POMP: variants seen among roughly 807,000 people sequenced by gnomAD.
POMP encodes proteasome maturation protein.
POMP carries 12 observed loss-of-function variants against 20.6 expected under a neutral mutation model. That is an observed-to-expected ratio of 0.58 (90% CI 0.37 to 0.94). The LOEUF (loss-of-function observed/expected upper bound fraction) is 0.94, where lower values mean the gene tolerates loss of function less well. Among genes scored for constraint, POMP ranks in the 40% least tolerant of loss-of-function variants. POMP has a pLI of 0.01. For synonymous variants in POMP, 53 were observed against 55.0 expected (o/e 0.96, Z 0.16); for missense variants, 136 against 161.1 (o/e 0.84, Z 0.84).
intron 4 of POMP, among the ~76,000 whole-genome samples, chr13:28,669,942 CA>C (rs200357839): frequency 6.6e-6 from 1 of 150,574 alleles, no homozygotes; most frequent in Non-Finnish European, 1.5e-5. Flanking sequence ...CCCATCTCTA[CA>C]AAAAAAAATA....
intron 3 of POMP, among the ~76,000 whole-genome samples, chr13:28,665,423 TAAAA>T (rs1033388185): frequency 6.6e-6 from 1 of 151,956 alleles, no homozygotes; most frequent in Non-Finnish European, 1.5e-5. Context: ...ATGAGAAAAA[TAAAA>T]AAATTCCTCA....
At chr13:28,663,387 C>T (rs1434616590) in intron 2 of POMP, among the ~76,000 whole-genome samples, 6 of 152,130 alleles carry the variant, frequency 3.9e-5, no homozygotes, top group African/African-American at 1.4e-4. Context: ...CTCCCCTCAT[C>T]GCAGCCTCCG....
At chr13:28,669,508 A>G (rs1287118681) in intron 4 of POMP, among the ~76,000 whole-genome samples, 1 of 152,064 alleles carries the variant, frequency 6.6e-6, no homozygotes, top group African/African-American at 2.4e-5. Flanking sequence ...CCTGAGTAGC[A>G]GGGACTACAG....
intron 4 of POMP, among the ~76,000 whole-genome samples, chr13:28,669,122 G>C (rs1158309382): frequency 6.6e-6 from 1 of 152,030 alleles, no homozygotes; most frequent in Non-Finnish European, 1.5e-5. Context: ...AAAAAAAATT[G>C]TATCAATTTC....
chr13:28,671,448 T>C (rs921794908), intron 4 of POMP, among the ~76,000 whole-genome samples: 4 of 123,446 alleles, frequency 3.2e-5, no homozygotes, highest in Admixed American at 3.1e-4. Context: ...GAATTCTCTG[T>C]CTTTTTTTTT....
intron 2 of POMP, among the ~76,000 whole-genome samples, chr13:28,663,784 G>C (rs1391463830): frequency 2.0e-5 from 3 of 152,032 alleles, no homozygotes; most frequent in Admixed American, 2.0e-4. Context: ...AGTAACTAAG[G>C]TCTGAAGATT....
chr13:28,665,780 A>G (rs1337656614), intron 3 of POMP, among the ~76,000 whole-genome samples: 1 of 152,224 alleles, frequency 6.6e-6, no homozygotes, highest in Non-Finnish European at 1.5e-5. Flanking sequence ...GGGTCAGTCA[A>G]GGGATCAAAT....
At chr13:28,673,869 C>T (rs1408934899) in intron 5 of POMP, among the ~76,000 whole-genome samples, 1 of 152,160 alleles carries the variant, frequency 6.6e-6, no homozygotes, top group African/African-American at 2.4e-5. Flanking sequence ...TCTGAATATA[C>T]AGCTGTGAAC....
intron 3 of POMP, among the ~76,000 whole-genome samples, chr13:28,665,912 A>G (rs1312901079): frequency 1.3e-5 from 2 of 152,218 alleles, no homozygotes; most frequent in Non-Finnish European, 2.9e-5. Context: ...GGAATAGTCA[A>G]TTTGGAGGGA....
intron 1 of POMP, among the ~76,000 whole-genome samples, chr13:28,659,596 C>T (rs1884298480): frequency 6.6e-6 from 1 of 152,148 alleles, no homozygotes; most frequent in East Asian, 1.9e-4. Flanking sequence ...GACTCCTCAT[C>T]TCCCCCAGCC....
chr13:28,668,718 T>C, intron 4 of POMP, 144 bp downstream of exon 4: 1 of 683,708 alleles, frequency 1.5e-6, no homozygotes, highest in African/African-American at 1.8e-5. Context: ...TGATTTCTAC[T>C]TCATAGAGGG....
In POMP at chr13:28,668,573, A is replaced by C. The variant is rs768676539; in HGVS notation, c.263A>C (p.Gln88Pro). 3 of 1,592,340 alleles carry C rather than the reference A, an allele frequency of 1.9e-6. No individual in the cohort carries two copies. In the East Asian group the frequency reaches 6.7e-5, roughly 36 times the overall value. Residue 88 changes from glutamine (Q) to proline (P), a missense_variant and splice_region_variant, in exon 4 of 6, where the codon CAG (glutamine) becomes CCG (proline). Coordinates refer to ENST00000380842, the MANE Select transcript of POMP (RefSeq NM_015932.6). ...KLQMEFKAVQ[Q>P]VQRLPFLSSS... The stretch of plus-strand genomic sequence containing the variant: ...CAGATGGAATTCAAGGCAGTGCAGC[A>C]GGTGAGTTGATGGATCTCTGTTGCA...
intron 5 of POMP, among the ~76,000 whole-genome samples, chr13:28,677,641 GA>G (rs1224581475): frequency 2.6e-5 from 4 of 152,180 alleles, no homozygotes; most frequent in African/African-American, 9.7e-5. Flanking sequence ...TGTGAATTAA[GA>G]GATTGTTTCC....
intron 5 of POMP, among the ~76,000 whole-genome samples, chr13:28,673,299 G>C (rs181570162): frequency 2.3e-4 from 35 of 152,252 alleles, no homozygotes; most frequent in African/African-American, 7.7e-4. Context: ...TCGAACTCCT[G>C]ACCTTGTGAT....
chr13:28,659,170 G>C lies in POMP; in HGVS notation c.-15G>C. On this transcript the variant is annotated 5_prime_UTR_variant, in exon 1 of 6. Transcript: ENST00000380842. Reference sequence around the variant, plus strand: ...CGGTAACGGGGCAGAGAGGCTGTTCGCAGAGCTGCGGAAGATGGTGAGTGG... The same window carrying C: ...CGGTAACGGGGCAGAGAGGCTGTTCCCAGAGCTGCGGAAGATGGTGAGTGG... The C allele has an allele frequency of 4.4e-6, 7 of 1,585,866 alleles. No individual in the cohort carries two copies. The highest frequency in any genetic ancestry group is 6.0e-6 in the Non-Finnish European group (7 of 1,167,122).
chr13:28,672,912 G>T (rs1356966501), intron 5 of POMP, among the ~76,000 whole-genome samples: 1 of 152,096 alleles, frequency 6.6e-6, no homozygotes, highest in African/African-American at 2.4e-5. Flanking sequence ...CACATTGTTG[G>T]GATGTGACTG....
chr13:28,659,644 A>G (rs977415683), intron 1 of POMP, among the ~76,000 whole-genome samples: 8 of 151,926 alleles, frequency 5.3e-5, no homozygotes, highest in Admixed American at 2.0e-4. Context: ...GCCCACAACT[A>G]TAGGTCGCAT....
At position 28,678,640 on chromosome 13, in the gene POMP, TC is replaced by T. The variant is rs1200815552; in HGVS notation, c.*540del. 6.5e-6 allele frequency: 1 copy of T among 153,564 alleles called. No homozygotes were observed. Among genetic ancestry groups the T allele is most frequent in the African/African-American group, 2.4e-5 (1 of 41,458 alleles). 9.5% of individuals were successfully genotyped at this position (153,564 alleles called of 1,614,324 possible). ...TTATTTCAGGTTGAAAAGTAGAAGT[TC>T]CAAGGTTTTGATTTTGGTCTGGTCT... On this transcript the variant is annotated 3_prime_UTR_variant, in exon 6 of 6. Transcript: ENST00000380842.
intron 1 of POMP, among the ~76,000 whole-genome samples, chr13:28,661,102 C>T (rs9551519): frequency 0.38 from 57,440 of 151,964 alleles, 11,119 homozygotes; most frequent in East Asian, 0.5. Context: ...CTAAAACTAC[C>T]TGTAGCTGTT....
Sources: gnomAD v4.1 joint callset for allele counts (sites outside exome capture counted in the v4.1 genomes callset) on GRCh38, gnomAD v4.1.1 for gene constraint, MANE v1.5 for transcripts, NCBI Gene and HGNC (gene_info 2026-07-23, HGNC 2026-07-21) for gene names.